The following LYRM4 variants were observed in gnomAD, a reference collection of about 807,000 sequenced individuals.
LYRM4 encodes the protein LYR motif containing 4.
Under a neutral mutation model 11.7 loss-of-function variants are expected in LYRM4, and 9 were observed. The ratio of observed to expected loss-of-function variants is 0.77; its 90% CI spans 0.46 to 1.34. LYRM4 has a LOEUF of 1.34. LYRM4 is among the 40% of genes most tolerant of loss of function. The pLI is 0.00. For synonymous variants in LYRM4, 42 were observed against 40.4 expected, an observed-to-expected ratio of 1.04 and a Z score of -0.15; for missense variants, 133 against 112.5, an observed-to-expected ratio of 1.18 and a Z score of -0.82.
the LYRM4 span, chr6:5,032,133 C>G: frequency 2.0e-5 from 3 of 152,104 alleles, no homozygotes; most frequent in Non-Finnish European, 4.4e-5. Flanking sequence ...ACAATATCAT[C>G]AAGTATTTAA....
chr6:5,176,150 T>C (rs1313112736), intron 2 of LYRM4, among the ~76,000 whole-genome samples: 2 of 151,798 alleles, frequency 1.3e-5, no homozygotes, highest in Non-Finnish European at 2.9e-5. Context: ...CTGTAACCTC[T>C]GCCTCCCGGG....
At chr6:5,170,352 TG>T (rs1759352697) in intron 2 of LYRM4, among the ~76,000 whole-genome samples, 1 of 151,624 alleles carries the variant, frequency 6.6e-6, no homozygotes, top group Non-Finnish European at 1.5e-5. Context: ...TTAGTGGAAT[TG>T]TGTGTGTATG....
chr6:5,145,018 A>C (rs139969831), intron 2 of LYRM4, among the ~76,000 whole-genome samples: 2 of 152,308 alleles, frequency 1.3e-5, no homozygotes, highest in Admixed American at 1.3e-4. Flanking sequence ...CCCTGGGAAC[A>C]TATTTGAGAG....
At chr6:5,134,155 A>T (rs1764082641) in intron 2 of LYRM4, among the ~76,000 whole-genome samples, 6 of 152,196 alleles carry the variant, frequency 3.9e-5, no homozygotes, top group Admixed American at 3.9e-4. Context: ...TAACTTATTG[A>T]GGAAGTGACA....
In LYRM4 at chr6:5,146,716, A is replaced by G. The variant is rs145569836; in HGVS notation, c.208-37225T>C. ...AATTGCATACCACAACTCTGGCCAAAGTGGCTAGAGGAGGGGGTTCCTGGG... is the reference window on the plus strand; with the variant it reads ...AATTGCATACCACAACTCTGGCCAAGGTGGCTAGAGGAGGGGGTTCCTGGG... On this transcript the variant is annotated intron_variant, in intron 2 of 2. Coordinates refer to ENST00000330636, the MANE Select transcript of LYRM4 (RefSeq NM_020408.6). 5.3e-3 allele frequency among the ~76,000 whole-genome samples: 802 copies of G among 152,324 alleles called. 8 individuals are homozygous for G. The highest frequency in any genetic ancestry group is 0.018 in the African/African-American group (765 of 41,574).
intron 1 of LYRM4, among the ~76,000 whole-genome samples, chr6:5,219,428 G>A (rs960934835): frequency 6.6e-6 from 1 of 152,196 alleles, no homozygotes; most frequent in Non-Finnish European, 1.5e-5. Flanking sequence ...CTTTCGAGAT[G>A]AATGCTGTAA....
At chr6:5,211,098 C>G (rs1183068721) in intron 2 of LYRM4, among the ~76,000 whole-genome samples, 1 of 152,140 alleles carries the variant, frequency 6.6e-6, no homozygotes, top group Non-Finnish European at 1.5e-5. Flanking sequence ...TAAATGCATA[C>G]AAGTGGAGAG....
chr6:5,064,090 C>A, the LYRM4 span, among the ~76,000 whole-genome samples: 2 of 152,136 alleles, frequency 1.3e-5, no homozygotes, highest in African/African-American at 4.8e-5. Context: ...TTGTGTTTGG[C>A]TTTTGGGAGC....
intron 1 of LYRM4, among the ~76,000 whole-genome samples, chr6:5,244,779 G>A (rs1227683441): frequency 6.6e-6 from 1 of 151,836 alleles, no homozygotes; most frequent in African/African-American, 2.4e-5. Context: ...AACTCATGAG[G>A]CACAAAGGGC....
At chr6:5,188,091 G>A (rs1335006100) in intron 2 of LYRM4, among the ~76,000 whole-genome samples, 2 of 152,214 alleles carry the variant, frequency 1.3e-5, no homozygotes, top group East Asian at 1.9e-4. Context: ...GCTCACACCT[G>A]TAATCCCAAC....
chr6:5,073,397 C>T, the LYRM4 span, among the ~76,000 whole-genome samples: 1 of 150,888 alleles, frequency 6.6e-6, no homozygotes, highest in Non-Finnish European at 1.5e-5. Context: ...TATATATTGG[C>T]ATCAAAGATT....
At chr6:5,037,028 T>A in the LYRM4 span, among the ~76,000 whole-genome samples, 6 of 11,616 alleles carry the variant, frequency 5.2e-4, 1 homozygote, top group Non-Finnish European at 1.4e-3. Flanking sequence ...TTTTTTTTTT[T>A]ATTGATCATT....
At chr6:5,154,582 C>G (rs575697741) in intron 2 of LYRM4, among the ~76,000 whole-genome samples, 1 of 152,126 alleles carries the variant, frequency 6.6e-6, no homozygotes, top group African/African-American at 2.4e-5. Flanking sequence ...TTTGGGAGGC[C>G]AAGGTGGGCA....
downstream of LYRM4, chr6:5,105,321 T>G (rs562238835): frequency 3.0e-4 from 45 of 152,300 alleles, 2 homozygotes; most frequent in African/African-American, 1.1e-3. Context: ...AGGTTTCCTG[T>G]CCTCCTTCAA....
intron 2 of LYRM4, among the ~76,000 whole-genome samples, chr6:5,207,087 T>C (rs1761743968): frequency 6.6e-6 from 1 of 152,118 alleles, no homozygotes. Flanking sequence ...ACTGAGTAAG[T>C]GTTATTAGGA....
chr6:5,069,119 T>C, the LYRM4 span, among the ~76,000 whole-genome samples: 15 of 152,194 alleles, frequency 9.9e-5, no homozygotes. Flanking sequence ...CATGAACTTT[T>C]TGAAAACCCA....
chr6:5,260,858 C>A lies in LYRM4; in HGVS notation c.-125G>T. The A allele has an allele frequency of 1.3e-6, 2 of 1,484,996 alleles. No homozygotes were observed. Among genetic ancestry groups the A allele is most frequent in the Non-Finnish European group, 1.8e-6 (2 of 1,123,392 alleles). The allele number at this position is 1,484,996 out of a possible 1,614,324, so 92.0% of individuals were successfully genotyped here. ...AAATGCTGCGGCTCGGCTTTGCCAG[C>A]GGGCCGGGCCTAAGCCTAAGCGGGC... On this transcript the variant is annotated 5_prime_UTR_variant, in exon 1 of 3. Transcript: ENST00000330636.
intron 2 of LYRM4, among the ~76,000 whole-genome samples, chr6:5,212,947 G>A (rs796181634): frequency 5.3e-5 from 8 of 152,340 alleles, no homozygotes; most frequent in African/African-American, 1.9e-4. Context: ...CTTAAGGACT[G>A]TGTGAAGGCT....
intron 2 of LYRM4, among the ~76,000 whole-genome samples, chr6:5,215,349 T>C (rs1179871545): frequency 6.6e-6 from 1 of 152,220 alleles, no homozygotes; most frequent in Non-Finnish European, 1.5e-5. Flanking sequence ...GCCATTGTTC[T>C]AGAGTTTTCA....
Sources: gnomAD v4.1 joint callset for allele counts (sites outside exome capture counted in the v4.1 genomes callset) on GRCh38, gnomAD v4.1.1 for gene constraint, MANE v1.5 for transcripts, NCBI Gene and HGNC (gene_info 2026-07-23, HGNC 2026-07-21) for gene names.